The following TRPS1 variants were observed in gnomAD, a reference collection of about 807,000 sequenced individuals.
TRPS1 encodes transcriptional repressor GATA binding 1.
TRPS1 carries 6 observed loss-of-function variants against 101.2 expected under a neutral mutation model. The observed-to-expected ratio is 0.06, with a 90% CI of 0.03 to 0.12. The LOEUF (loss-of-function observed/expected upper bound fraction) is 0.12. Ranked by LOEUF, TRPS1 falls within the 10% of genes least tolerant of loss-of-function variation. The pLI is 1.00. For missense variants in TRPS1, 1,363 were observed against 1,567.0 expected (o/e 0.87, Z 2.20); for synonymous variants, 578 against 589.8 (o/e 0.98, Z 0.29).
At position 115,562,876 on chromosome 8, in the gene TRPS1, CTGTGTGTGTGTGTGTGTGTG is replaced by C. The variant is rs10588354; in HGVS notation, c.2700+24105_2700+24124del. On this transcript the variant is annotated intron_variant, in intron 5 of 6. Coordinates refer to ENST00000395715, the MANE Select transcript of TRPS1 (RefSeq NM_014112.5). ...TGCCTACTCCCCCTACCCACAGTGT[CTGTGTGTGTGTGTGTGTGTG>C]TGTGTGTGTGTGTGTGTGTGTGTGT... 2.0e-4 allele frequency among the ~76,000 whole-genome samples: 27 copies of C among 132,680 alleles called. No homozygotes were observed. In the South Asian group the frequency reaches 2.4e-3, roughly 12 times the overall value. The allele number at this position is 132,680 out of a possible 152,430, so 87.0% of individuals were successfully genotyped here. A position where few individuals can be genotyped will look rare whatever the true frequency, so the allele number is the denominator to read the frequency against.
intron 5 of TRPS1, among the ~76,000 whole-genome samples, chr8:115,519,589 G>T (rs910073533): frequency 6.6e-6 from 1 of 151,302 alleles, no homozygotes; most frequent in African/African-American, 2.4e-5. Flanking sequence ...GTACACAATA[G>T]ATGTGGTGCC....
At chr8:115,535,271 T>C (rs1816271720) in intron 5 of TRPS1, among the ~76,000 whole-genome samples, 2 of 143,250 alleles carry the variant, frequency 1.4e-5, no homozygotes, top group African/African-American at 5.2e-5. Flanking sequence ...ATAGCATATA[T>C]ATAGCATATA....
chr8:115,433,617 G>T (rs1038520669), intron 5 of TRPS1, among the ~76,000 whole-genome samples: 1 of 152,062 alleles, frequency 6.6e-6, no homozygotes. Flanking sequence ...ATGTTTAATT[G>T]TTATTATCCT....
At chr8:115,505,812 C>T (rs1055801344) in intron 5 of TRPS1, among the ~76,000 whole-genome samples, 8 of 151,966 alleles carry the variant, frequency 5.3e-5, no homozygotes, top group East Asian at 1.9e-4. Context: ...ACTGTGAAAA[C>T]GTAGGACATA....
chr8:115,576,322 G>T (rs2049866), intron 5 of TRPS1, among the ~76,000 whole-genome samples: 52,086 of 143,090 alleles, frequency 0.36, 12,924 homozygotes, highest in African/African-American at 0.57. Context: ...TATAGATCTA[G>T]ATCTTTGGAC....
intron 5 of TRPS1, among the ~76,000 whole-genome samples, chr8:115,582,195 T>C (rs760248838): frequency 1.3e-5 from 2 of 152,196 alleles, no homozygotes; most frequent in Non-Finnish European, 2.9e-5. Context: ...TAACTGGAAT[T>C]TTGCTTTCAT....
intron 5 of TRPS1, among the ~76,000 whole-genome samples, chr8:115,511,658 T>G (rs1815587117): frequency 6.6e-6 from 1 of 151,918 alleles, no homozygotes; most frequent in South Asian, 2.1e-4. Flanking sequence ...TATTCTGGGT[T>G]TCCCCAAAGG....
chr8:115,580,202 G>A (rs955615442), intron 5 of TRPS1, among the ~76,000 whole-genome samples: 1 of 141,562 alleles, frequency 7.1e-6, no homozygotes, highest in Non-Finnish European at 1.5e-5. Context: ...CTTAAGGAAA[G>A]TTTTGAACAG....
chr8:115,541,031 T>G (rs1281159866), intron 5 of TRPS1, among the ~76,000 whole-genome samples: 1 of 152,108 alleles, frequency 6.6e-6, no homozygotes, highest in African/African-American at 2.4e-5. Flanking sequence ...TTTTATACAC[T>G]TATATAATAT....
chr8:115,566,772 C>T (rs1446668809), intron 5 of TRPS1, among the ~76,000 whole-genome samples: 4 of 151,814 alleles, frequency 2.6e-5, no homozygotes, highest in East Asian at 3.9e-4. Context: ...CATTTTGCCT[C>T]GAAGTTTAGT....
In TRPS1 at chr8:115,414,185, C is replaced by T; in HGVS notation, c.3723G>A (p.Val1241=). The change falls in exon 7 of 7, where the codon GTG becomes GTA. Residue 1241 remains valine, a synonymous_variant. Coordinates refer to ENST00000395715, the MANE Select transcript of TRPS1 (RefSeq NM_014112.5). The surrounding 1 kb of genome is among the most constrained non-coding windows in gnomAD (Gnocchi z 4.8). ...GGCAACTCATATGCAAAGCATACAT[C>T]ACTTCATCCAGAAAGACAATGCCAC... ...VHCGIVFLDE[V]MYALHMSCHG... 6.2e-7 allele frequency: 1 copy of T among 1,614,054 alleles called. No homozygotes were observed. Among genetic ancestry groups the T allele is most frequent in the Non-Finnish European group, 8.5e-7 (1 of 1,179,944 alleles).
intron 5 of TRPS1, among the ~76,000 whole-genome samples, chr8:115,575,740 C>T (rs74579118): frequency 6.6e-6 from 1 of 152,068 alleles, no homozygotes; most frequent in Non-Finnish European, 1.5e-5. Context: ...TGAGTAATGA[C>T]ATATGATCTC....
intron 5 of TRPS1, among the ~76,000 whole-genome samples, chr8:115,520,669 T>A (rs971576507): frequency 6.6e-6 from 1 of 151,818 alleles, no homozygotes. Flanking sequence ...AAAGGATTAT[T>A]TAATTACCTA....
At chr8:115,431,725 G>A (rs1339426349) in intron 5 of TRPS1, among the ~76,000 whole-genome samples, 5 of 151,768 alleles carry the variant, frequency 3.3e-5, no homozygotes, top group Non-Finnish European at 7.4e-5. Flanking sequence ...TTCATATAGT[G>A]TAGCCACATA....
intron 1 of TRPS1, among the ~76,000 whole-genome samples, chr8:115,653,106 C>A (rs1221351396): frequency 6.6e-6 from 1 of 152,026 alleles, no homozygotes; most frequent in Admixed American, 6.5e-5. Flanking sequence ...ATCTGCAATG[C>A]CAAGAGTACA....
intron 5 of TRPS1, among the ~76,000 whole-genome samples, chr8:115,433,464 T>G (rs1245001519): frequency 6.6e-6 from 1 of 152,062 alleles, no homozygotes; most frequent in Non-Finnish European, 1.5e-5. Flanking sequence ...TAATCTGAAT[T>G]ATGGTTTTAT....
At chr8:115,447,035 C>A (rs34420245) in intron 5 of TRPS1, among the ~76,000 whole-genome samples, 22 of 151,972 alleles carry the variant, frequency 1.4e-4, no homozygotes, top group Admixed American at 5.9e-4. Flanking sequence ...ACTCCAAGAC[C>A]CGGTGAATCA....
chr8:115,464,049 C>CT (rs1814256235), intron 5 of TRPS1, among the ~76,000 whole-genome samples: 1 of 151,596 alleles, frequency 6.6e-6, no homozygotes, highest in Admixed American at 6.6e-5. Context: ...ATTCTTACCT[C>CT]TTAGTAGTTA....
intron 4 of TRPS1, among the ~76,000 whole-genome samples, chr8:115,593,794 A>G (rs777057826): frequency 2.0e-5 from 3 of 152,136 alleles, no homozygotes. Flanking sequence ...CCGCATCCAT[A>G]AAGACTTCCC....
Sources: gnomAD v4.1 joint callset for allele counts (sites outside exome capture counted in the v4.1 genomes callset) on GRCh38, gnomAD v4.1.1 for gene constraint, Gnocchi (gnomAD v3.1) non-coding constraint, MANE v1.5 for transcripts, NCBI Gene and HGNC (gene_info 2026-07-23, HGNC 2026-07-21) for gene names.